The following XKR9 variants were observed in gnomAD, a reference collection of about 807,000 sequenced individuals.
XKR9 encodes the protein XK-related protein 9.
XKR9 carries 32 observed loss-of-function variants against 32.0 expected under a neutral mutation model. The ratio of observed to expected loss-of-function variants is 1.00; its 90% CI spans 0.76 to 1.34. The LOEUF (loss-of-function observed/expected upper bound fraction) is 1.34, where lower values mean the gene tolerates loss of function less well. Ranked by LOEUF, XKR9 falls within the 40% of genes most tolerant of loss-of-function variation. The pLI, the probability that XKR9 is intolerant of heterozygous loss-of-function variation, is 0.00. For synonymous variants in XKR9, 168 were observed against 143.4 expected, an observed-to-expected ratio of 1.17 and a Z score of -1.22; for missense variants, 546 against 429.7, an observed-to-expected ratio of 1.27 and a Z score of -2.39.
the XKR9 span, among the ~76,000 whole-genome samples, chr8:70,855,758 A>C: frequency 6.6e-6 from 1 of 152,280 alleles, no homozygotes; most frequent in South Asian, 2.1e-4. Flanking sequence ...AGGGAAGCCC[A>C]TCAGACTAAC....
At chr8:70,858,584 C>T in the XKR9 span, among the ~76,000 whole-genome samples, 17,578 of 152,114 alleles carry the variant, frequency 0.12, 1,187 homozygotes, top group African/African-American at 0.19. Context: ...ATGCTGGAGG[C>T]ATCACATTAC....
chr8:70,915,270 G>A, the XKR9 span, among the ~76,000 whole-genome samples: 2 of 152,260 alleles, frequency 1.3e-5, no homozygotes, highest in African/African-American at 4.8e-5. Context: ...GCCTTTGGCC[G>A]CATGACTCCA....
At chr8:70,887,388 A>C in the XKR9 span, among the ~76,000 whole-genome samples, 7 of 151,898 alleles carry the variant, frequency 4.6e-5, no homozygotes, top group South Asian at 1.0e-3. Context: ...TTTGCTTAGA[A>C]TTGTCTTGGC....
At position 70,771,668 on chromosome 8, in the gene XKR9, T is replaced by G. The variant is rs536265572; in HGVS notation, n.353-17671T>G. 9.8e-5 allele frequency among the ~76,000 whole-genome samples: 15 copies of G among 152,330 alleles called. No homozygotes were observed. The South Asian group carries it at 1.5e-3, about 15-fold the overall frequency. ...ACATTAATTGAAGATTGGGTTTGTC[T>G]AGATCAAAAGAAAATGTGGCCTATG... On this transcript the variant is annotated intron_variant and non_coding_transcript_variant, in intron 2 of 3. Transcript: ENST00000520273.
At chr8:70,951,871 G>T in the XKR9 span, among the ~76,000 whole-genome samples, 5 of 91,538 alleles carry the variant, frequency 5.5e-5, no homozygotes, top group African/African-American at 2.1e-4. Flanking sequence ...CATCATTGGG[G>T]GGGGGGTGGT....
chr8:70,783,448 G>C lies in XKR9; in HGVS notation n.353-5891G>C, dbSNP rs547330974. 2.0e-5 allele frequency among the ~76,000 whole-genome samples: 3 copies of C among 152,134 alleles called. No homozygotes were observed. The East Asian group carries it at 5.8e-4, about 29-fold the overall frequency. On this transcript the variant is annotated intron_variant and non_coding_transcript_variant, in intron 2 of 3. Transcript: ENST00000520273. The stretch of plus-strand genomic sequence containing the variant: ...TCACCGTGTTAGCCAGAATGGTCTC[G>C]ATCTCCTGACCTCGTGATCTGCCTG...
At chr8:70,696,936 T>C (rs76156096) in intron 3 of XKR9, among the ~76,000 whole-genome samples, 53,338 of 141,878 alleles carry the variant, frequency 0.38, 11,166 homozygotes, top group Non-Finnish European at 0.5. Flanking sequence ...TTTTATTCTC[T>C]TTGAAGCAAT....
intron 2 of XKR9, among the ~76,000 whole-genome samples, chr8:70,766,712 A>G (rs1252430288): frequency 6.6e-6 from 1 of 152,176 alleles, no homozygotes; most frequent in Non-Finnish European, 1.5e-5. Flanking sequence ...TTGCCCATTC[A>G]GTATGATATT....
the XKR9 span, among the ~76,000 whole-genome samples, chr8:71,058,805 G>A: frequency 6.6e-6 from 1 of 152,304 alleles, no homozygotes; most frequent in South Asian, 2.1e-4. Context: ...TACTCAATGG[G>A]GTGATACAAG....
At chr8:70,769,228 CTT>C (rs879627943) in intron 2 of XKR9, among the ~76,000 whole-genome samples, 8 of 132,832 alleles carry the variant, frequency 6.0e-5, no homozygotes, top group Admixed American at 1.5e-4. Flanking sequence ...GTTGAAAAAT[CTT>C]TTTTTTTTTT....
chr8:70,980,968 C>T, the XKR9 span, among the ~76,000 whole-genome samples: 1 of 152,178 alleles, frequency 6.6e-6, no homozygotes, highest in Admixed American at 6.5e-5. Context: ...AATAGGACCT[C>T]AATTTCTTCT....
the XKR9 span, among the ~76,000 whole-genome samples, chr8:70,976,008 T>C: frequency 1.3e-5 from 2 of 152,218 alleles, no homozygotes; most frequent in African/African-American, 4.8e-5. Context: ...GTAGCGATTG[T>C]GAATGGGAGT....
the XKR9 span, among the ~76,000 whole-genome samples, chr8:71,007,601 G>A: frequency 6.6e-6 from 1 of 151,654 alleles, no homozygotes; most frequent in South Asian, 2.1e-4. Context: ...GGGGTCAAAG[G>A]TGAAAAAACT....
the XKR9 span, among the ~76,000 whole-genome samples, chr8:70,865,625 G>T: frequency 6.6e-6 from 1 of 152,128 alleles, no homozygotes; most frequent in Non-Finnish European, 1.5e-5. Context: ...CATTCAGTTA[G>T]AATCAGTTCA....
rs532134844 is a variant in XKR9, at chr8:70,779,263, G to C, written n.353-10076G>C. On this transcript the variant is annotated intron_variant and non_coding_transcript_variant, in intron 2 of 3. Transcript: ENST00000520273. ...TGTGATGGATTATGTTTATTGCTTT[G>C]TGTATGTTGAACCAGCCTTGCATAT... Among the ~76,000 whole-genome samples the C allele has an allele frequency of 1.1e-4, 17 of 152,194 alleles. No individual in the cohort carries two copies. In the South Asian group the frequency reaches 3.1e-3, roughly 28 times the overall value.
chr8:70,910,768 A>C, the XKR9 span, among the ~76,000 whole-genome samples: 10 of 152,212 alleles, frequency 6.6e-5, no homozygotes, highest in African/African-American at 2.4e-4. Context: ...CTAAAATCAA[A>C]GTGTCTTATC....
chr8:70,674,642 C>T (rs1347005509), intron 1 of XKR9, among the ~76,000 whole-genome samples, 176 bp from the exon 2 acceptor site: 1 of 152,152 alleles, frequency 6.6e-6, no homozygotes, highest in African/African-American at 2.4e-5. Context: ...ATGAAAGGAC[C>T]TATGCTATTT....
At chr8:70,852,686 A>G in the XKR9 span, among the ~76,000 whole-genome samples, 1 of 152,210 alleles carries the variant, frequency 6.6e-6, no homozygotes, top group Non-Finnish European at 1.5e-5. Context: ...GAATGAGTTC[A>G]TGTTTTTTTC....
At chr8:70,932,866 A>G in the XKR9 span, among the ~76,000 whole-genome samples, 2 of 152,122 alleles carry the variant, frequency 1.3e-5, no homozygotes, top group Non-Finnish European at 2.9e-5. Context: ...GGGGGCTAGG[A>G]CTTCAACATA....
Sources: gnomAD v4.1 joint callset for allele counts (sites outside exome capture counted in the v4.1 genomes callset) on GRCh38, gnomAD v4.1.1 for gene constraint, MANE v1.5 for transcripts, NCBI Gene and HGNC (gene_info 2026-07-23, HGNC 2026-07-21) for gene names.